The following RHOU variants were observed in gnomAD, a reference collection of about 807,000 sequenced individuals.
RHOU encodes the protein ras homolog family member U.
RHOU carries 8 observed loss-of-function variants against 12.6 expected under a neutral mutation model. That is an observed-to-expected ratio of 0.64 (90% CI 0.37 to 1.15). The LOEUF (loss-of-function observed/expected upper bound fraction) is 1.15, where lower values mean the gene tolerates loss of function less well. Ranked by LOEUF, RHOU falls within the 50% of genes most tolerant of loss-of-function variation. The pLI, the probability that RHOU is intolerant of heterozygous loss-of-function variation, is 0.01. For synonymous variants in RHOU, 161 were observed against 147.4 expected, an observed-to-expected ratio of 1.09 and a Z score of -0.67; for missense variants, 258 against 347.0, an observed-to-expected ratio of 0.74 and a Z score of 2.04.
chr1:228,672,753 G>A, the RHOU span, among the ~76,000 whole-genome samples: 1 of 152,194 alleles, frequency 6.6e-6, no homozygotes, highest in Non-Finnish European at 1.5e-5. Flanking sequence ...CCGGGGGTAT[G>A]ATCCAAACTT....
chr1:228,652,610 T>C, the RHOU span: 1 of 152,176 alleles, frequency 6.6e-6, no homozygotes, highest in Admixed American at 6.5e-5. Context: ...AGAACTTTCT[T>C]TTTTAAAAAA....
At chr1:228,695,032 G>A in the RHOU span, among the ~76,000 whole-genome samples, 1 of 151,998 alleles carries the variant, frequency 6.6e-6, no homozygotes, top group African/African-American at 2.4e-5. Flanking sequence ...TGCAGTGGCG[G>A]GATCTCTGCT....
the RHOU span, among the ~76,000 whole-genome samples, chr1:228,726,876 G>A: frequency 6.6e-6 from 1 of 152,126 alleles, no homozygotes; most frequent in Non-Finnish European, 1.5e-5. Flanking sequence ...TGAGGGGGAG[G>A]AGGGTCTTTT....
the RHOU span, chr1:228,687,738 A>G: frequency 7.0e-7 from 1 of 1,434,196 alleles, no homozygotes. Context: ...GCACGTGACC[A>G]ACTTGTGCAA....
At chr1:228,742,720 G>A (rs948772816) in intron 2 of RHOU, among the ~76,000 whole-genome samples, 8 of 152,192 alleles carry the variant, frequency 5.3e-5, no homozygotes, top group African/African-American at 1.7e-4. Context: ...GCATTACTCT[G>A]CGTTGCTGTG....
At chr1:228,706,340 G>A in the RHOU span, among the ~76,000 whole-genome samples, 3 of 152,222 alleles carry the variant, frequency 2.0e-5, no homozygotes, top group East Asian at 5.8e-4. Flanking sequence ...GTTGCCCCCT[G>A]AACCAGAAGA....
At chr1:228,648,142 C>T in the RHOU span, 1 of 152,348 alleles carries the variant, frequency 6.6e-6, no homozygotes, top group Non-Finnish European at 1.5e-5. Flanking sequence ...ACCCGGGAGC[C>T]GCTCGCCGGA....
intron 1 of RHOU, 152 bp downstream of exon 1, chr1:228,736,156 C>T (rs1439822909): frequency 2.7e-6 from 2 of 731,806 alleles, no homozygotes; most frequent in African/African-American, 2.0e-5. Flanking sequence ...GAGTGCAGGA[C>T]GTTTCCTGAG....
the RHOU span, among the ~76,000 whole-genome samples, chr1:228,708,220 T>G: frequency 1.3e-4 from 20 of 152,276 alleles, no homozygotes; most frequent in African/African-American, 4.8e-4. Context: ...TGGAACCAAG[T>G]TGGAAAACAC....
chr1:228,680,316 G>A, the RHOU span, among the ~76,000 whole-genome samples: 1 of 152,166 alleles, frequency 6.6e-6, no homozygotes, highest in Non-Finnish European at 1.5e-5. Context: ...CCTCCAGTGG[G>A]GGCCTGCACA....
the RHOU span, among the ~76,000 whole-genome samples, chr1:228,696,169 C>T: frequency 1.3e-5 from 2 of 150,740 alleles, no homozygotes; most frequent in East Asian, 3.9e-4. Flanking sequence ...AAATGTTTTC[C>T]CTGCTTTTCT....
the RHOU span, among the ~76,000 whole-genome samples, chr1:228,699,430 CGA>C: frequency 2.6e-3 from 302 of 115,452 alleles, 1 homozygote; most frequent in African/African-American, 0.01. Context: ...CCTGGGTGAC[CGA>C]GAGAGAACCT....
At chr1:228,695,051 C>T in the RHOU span, among the ~76,000 whole-genome samples, 1 of 152,108 alleles carries the variant, frequency 6.6e-6, no homozygotes, top group Admixed American at 6.5e-5. Context: ...CTCTCTGCAA[C>T]CTCCGCCTCC....
At chr1:228,707,030 A>G in the RHOU span, among the ~76,000 whole-genome samples, 2 of 148,018 alleles carry the variant, frequency 1.4e-5, no homozygotes, top group Non-Finnish European at 3.0e-5. Context: ...ATCCTATTAG[A>G]AATGCTTCTA....
the RHOU span, among the ~76,000 whole-genome samples, chr1:228,663,595 T>C: frequency 2.2e-5 from 3 of 138,078 alleles, no homozygotes; most frequent in African/African-American, 7.6e-5. Context: ...TATTTTTCTT[T>C]TCTGTTTTTC....
the RHOU span, among the ~76,000 whole-genome samples, chr1:228,691,964 C>T: frequency 6.6e-6 from 1 of 152,286 alleles, no homozygotes; most frequent in East Asian, 1.9e-4. Context: ...CTTAGAGTAT[C>T]CATTAAGTAC....
the RHOU span, among the ~76,000 whole-genome samples, chr1:228,672,146 T>C: frequency 6.6e-6 from 1 of 152,256 alleles, no homozygotes; most frequent in African/African-American, 2.4e-5. Flanking sequence ...CATTTTGATA[T>C]AATTGCATTT....
At chr1:228,719,533 C>T in the RHOU span, among the ~76,000 whole-genome samples, 2 of 152,126 alleles carry the variant, frequency 1.3e-5, no homozygotes, top group Admixed American at 1.3e-4. Context: ...AGTTCGAGAC[C>T]AGCCTGGCCA....
Position 228,735,748 on chromosome 1 carries a change from C to G in RHOU, c.6C>G (p.Pro2=). 1 of 1,206,822 alleles carries G rather than the reference C, an allele frequency of 8.3e-7. No homozygotes were observed. Among genetic ancestry groups the G allele is most frequent in the Non-Finnish European group, 1.0e-6 (1 of 972,374 alleles). 74.8% of individuals were successfully genotyped at this position (1,206,822 alleles called of 1,614,324 possible). A position where few individuals can be genotyped will look rare whatever the true frequency, so the allele number is the denominator to read the frequency against. The change falls in exon 1 of 3, where the codon CCC becomes CCG. Residue 2 remains proline, a synonymous_variant. Transcript: ENST00000366691. The surrounding 1 kb of genome is among the most constrained non-coding windows in gnomAD (Gnocchi z 8.1). ...AAGCCCGCGCTCGCGGATCGATGCCCCCGCAGCAGGGGGACCCCGCGTTCC... is the reference window on the plus strand; with the variant it reads ...AAGCCCGCGCTCGCGGATCGATGCCGCCGCAGCAGGGGGACCCCGCGTTCC... M[P]PQQGDPAFPD...
Sources: allele counts gnomAD v4.1 joint callset (sites outside exome capture counted in the v4.1 genomes callset), GRCh38; gene constraint gnomAD v4.1.1; non-coding constraint Gnocchi (gnomAD v3.1); transcripts MANE v1.5; gene names NCBI Gene and HGNC (gene_info 2026-07-23, HGNC 2026-07-21).